DNM3: variants seen among roughly 807,000 people sequenced by gnomAD.
The protein encoded by DNM3 is dynamin 3, also known as dynamin-3.
DNM3 carries 47 observed loss-of-function variants against 101.6 expected under a neutral mutation model. The ratio of observed to expected loss-of-function variants is 0.46; its 90% CI spans 0.37 to 0.59. The LOEUF is 0.59. Ranked by LOEUF, DNM3 falls within the 20% of genes least tolerant of loss-of-function variation. DNM3 has a pLI of 0.00. For synonymous variants in DNM3, 385 were observed against 387.9 expected (o/e 0.99, Z 0.09); for missense variants, 849 against 1,085.7 (o/e 0.78, Z 3.06).
chr1:172,170,325 A>G (rs1301665285), intron 14 of DNM3, among the ~76,000 whole-genome samples: 1 of 151,872 alleles, frequency 6.6e-6, no homozygotes, highest in Non-Finnish European at 1.5e-5. Context: ...TGGCTAATAA[A>G]TGGAGAAGCT....
At chr1:172,141,251 T>C (rs995886278) in intron 14 of DNM3, among the ~76,000 whole-genome samples, 2 of 152,096 alleles carry the variant, frequency 1.3e-5, no homozygotes, top group Admixed American at 1.3e-4. Context: ...TGAGTAAATA[T>C]TTATTTCTAC....
intron 14 of DNM3, among the ~76,000 whole-genome samples, chr1:172,219,454 G>T (rs1330064974): frequency 1.3e-5 from 2 of 151,500 alleles, no homozygotes; most frequent in African/African-American, 4.9e-5. Context: ...AAACAATGAG[G>T]CTTGATATGA....
At chr1:172,340,626 C>G (rs1350665715) in intron 17 of DNM3, among the ~76,000 whole-genome samples, 1 of 152,180 alleles carries the variant, frequency 6.6e-6, no homozygotes, top group East Asian at 1.9e-4. Context: ...TTCATTGATT[C>G]ATGGAGTAGA....
At chr1:172,063,203 A>C (rs1233090336) in intron 10 of DNM3, among the ~76,000 whole-genome samples, 2 of 152,224 alleles carry the variant, frequency 1.3e-5, no homozygotes, top group Non-Finnish European at 2.9e-5. Context: ...AGTCTTTGCT[A>C]GAGGCATCAA....
intron 17 of DNM3, among the ~76,000 whole-genome samples, chr1:172,364,474 G>A (rs1330223134): frequency 6.6e-6 from 1 of 151,836 alleles, no homozygotes; most frequent in African/African-American, 2.4e-5. Flanking sequence ...ATGATATGCA[G>A]GGGATGCAAT....
At chr1:172,053,320 C>T (rs1459547493) in intron 10 of DNM3, among the ~76,000 whole-genome samples, 1 of 151,974 alleles carries the variant, frequency 6.6e-6, no homozygotes, top group Admixed American at 6.6e-5. Context: ...GTTTACCTGC[C>T]ATCCCCTCTC....
chr1:172,120,470 C>T (rs958130100), intron 13 of DNM3, among the ~76,000 whole-genome samples: 18 of 152,280 alleles, frequency 1.2e-4, no homozygotes, highest in African/African-American at 4.1e-4. Flanking sequence ...TGTTACCCTA[C>T]TTTAAACACT....
chr1:172,191,495 G>A (rs974196855), intron 14 of DNM3, among the ~76,000 whole-genome samples: 2 of 152,112 alleles, frequency 1.3e-5, no homozygotes, highest in African/African-American at 4.8e-5. Context: ...TCTTGGCAAT[G>A]CGGGCTTTTT....
At chr1:172,286,466 C>T (rs144131014) in intron 15 of DNM3, among the ~76,000 whole-genome samples, 8 of 152,262 alleles carry the variant, frequency 5.3e-5, no homozygotes, top group Non-Finnish European at 1.2e-4. Flanking sequence ...GGCTAATTTG[C>T]CTGGTATTGG....
At chr1:171,987,917 C>T in intron 3 of DNM3, 112 bp downstream of exon 3, 1 of 1,012,224 alleles carries the variant, frequency 9.9e-7, no homozygotes, top group Non-Finnish European at 1.3e-6. Context: ...CTAGGGTATC[C>T]TTTGGATACT....
rs12564266 is a variant in DNM3 at position 171,959,649 on chromosome 1, A to G, written c.236-28007A>G. ...AAAGAAAGTAATCCTGGGAAGCACC[A>G]GCATTGAAGTGTCAGGAGACAGAGA... is the stretch of plus-strand genomic sequence containing the variant. On this transcript the variant is annotated intron_variant, in intron 2 of 20. Coordinates refer to ENST00000627582, the MANE Select transcript of DNM3 (RefSeq NM_015569.5). Among the ~76,000 whole-genome samples the G allele has an allele frequency of 3.0e-3, 464 of 152,358 alleles. 8 individuals carry two copies. Among genetic ancestry groups the G allele is most frequent in the East Asian group, 0.024 (127 of 5,190 alleles).
intron 17 of DNM3, among the ~76,000 whole-genome samples, chr1:172,359,103 G>A (rs1255339359): frequency 6.9e-6 from 1 of 145,742 alleles, no homozygotes; most frequent in Non-Finnish European, 1.5e-5. Flanking sequence ...AAATCAGATG[G>A]GCATCTGAAC....
At chr1:172,186,830 T>C (rs757733488) in intron 14 of DNM3, among the ~76,000 whole-genome samples, 7 of 152,140 alleles carry the variant, frequency 4.6e-5, no homozygotes, top group Non-Finnish European at 8.8e-5. Context: ...CCTTAGGCTA[T>C]TGCACACATT....
chr1:172,212,831 G>C (rs964301845), intron 14 of DNM3, among the ~76,000 whole-genome samples: 3 of 152,150 alleles, frequency 2.0e-5, no homozygotes, highest in Non-Finnish European at 4.4e-5. Context: ...AGTAGGACCA[G>C]TACTGGAAGA....
intron 14 of DNM3, among the ~76,000 whole-genome samples, chr1:172,146,042 C>G (rs1005226542): frequency 6.6e-6 from 1 of 152,128 alleles, no homozygotes; most frequent in East Asian, 1.9e-4. Context: ...GATTAATTGC[C>G]CTTCTGAAGA....
At chr1:172,381,576 C>T (rs896723449) in intron 18 of DNM3, among the ~76,000 whole-genome samples, 3 of 151,498 alleles carry the variant, frequency 2.0e-5, no homozygotes, top group Admixed American at 6.6e-5. Context: ...GTCATATTGT[C>T]GTGGCATCTT....
At chr1:171,930,864 A>G (rs1056861685) in intron 2 of DNM3, among the ~76,000 whole-genome samples, 6 of 152,186 alleles carry the variant, frequency 3.9e-5, no homozygotes, top group African/African-American at 1.2e-4. Context: ...GCCACCTCTC[A>G]TCAATTGTAT....
At chr1:172,254,299 ACTACT>A (rs2062313080) in intron 15 of DNM3, among the ~76,000 whole-genome samples, 3 of 152,138 alleles carry the variant, frequency 2.0e-5, no homozygotes, top group Non-Finnish European at 4.4e-5. Context: ...ATACTTACAA[ACTACT>A]CTATGATAAT....
intron 5 of DNM3, 35 bp downstream of exon 5, chr1:172,032,535 T>A: frequency 4.5e-5 from 34 of 754,194 alleles, no homozygotes; most frequent in Middle Eastern, 3.0e-4. Context: ...ACTTTTTTTT[T>A]TTTTTTTTTT....
Sources: gnomAD v4.1 joint callset for allele counts (sites outside exome capture counted in the v4.1 genomes callset) on GRCh38, gnomAD v4.1.1 for gene constraint, MANE v1.5 for transcripts, NCBI Gene and HGNC (gene_info 2026-07-23, HGNC 2026-07-21) for gene names.